SEPTIN9: variants seen among roughly 807,000 people sequenced by gnomAD.
SEPTIN9 encodes the protein septin 9, also known as septin-9.
A neutral mutation model predicts 56.6 loss-of-function variants in SEPTIN9; 13 were observed. The ratio of observed to expected loss-of-function variants is 0.23; its 90% CI spans 0.15 to 0.37. The LOEUF is 0.37. SEPTIN9 is among the 10% of genes least tolerant of loss of function. SEPTIN9 has a pLI of 1.00. For synonymous variants in SEPTIN9, 332 were observed against 334.1 expected, an observed-to-expected ratio of 0.99 and a Z score of 0.07; for missense variants, 650 against 823.1, an observed-to-expected ratio of 0.79 and a Z score of 2.57.
chr17:77,498,653 A>G lies in SEPTIN9; in HGVS notation c.1756A>G (p.Met586Val), dbSNP rs758080294. Residue 586 changes from methionine to valine, a missense_variant, in exon 12 of 12, where the codon ATG becomes GTG. Physicochemically the swap from Met to Val is conservative, Grantham distance 21. This residue lies in a region of SEPTIN9 where 333 missense variants were observed against 494.0 expected (regional missense o/e 0.67). Transcript: ENST00000427177. The stretch of plus-strand genomic sequence containing the variant: ...GGAGAAGGAGCCAGAAGCCCCGGAG[A>G]TGTAGACGCCACCCTGCCCACCCCC... ...MEEKEPEAPE[M>V] 2.5e-6 allele frequency: 4 copies of G among 1,607,812 alleles called. No individual in the cohort carries two copies. Among genetic ancestry groups the G allele is most frequent in the East Asian group, 2.2e-5 (1 of 44,652 alleles).
At chr17:77,377,269 A>G (rs2034965363) in intron 2 of SEPTIN9, 1 of 152,164 alleles carries the variant, frequency 6.6e-6, no homozygotes, top group Admixed American at 6.5e-5. Flanking sequence ...ATAGGGTGAC[A>G]AGAGGGATGA....
At position 77,429,014 on chromosome 17, in the gene SEPTIN9, T is replaced by G; in HGVS notation, c.721+26311T>G. ...GTAAGCCGTCAGAGGAGGCAGCCGG[T>G]GAGAATGGGAGCATCTCAGCAGCCC... On this transcript the variant is annotated intron_variant, in intron 3 of 11. Coordinates refer to ENST00000427177, the MANE Select transcript of SEPTIN9 (RefSeq NM_001113491.2). The surrounding 1 kb of genome is among the most constrained non-coding windows in gnomAD (Gnocchi z 5.2). 2.1e-6 allele frequency: 1 copy of G among 471,352 alleles called. No homozygotes were observed. The highest frequency in any genetic ancestry group is 4.4e-6 in the Non-Finnish European group (1 of 227,078). 29.2% of individuals were successfully genotyped at this position (471,352 alleles called of 1,614,324 possible). A position where few individuals can be genotyped will look rare whatever the true frequency, so the allele number is the denominator to read the frequency against.
At position 77,421,601 on chromosome 17, in the gene SEPTIN9, G is replaced by A. The variant is rs781102932; in HGVS notation, c.721+18898G>A. On this transcript the variant is annotated intron_variant, in intron 3 of 11. Coordinates refer to ENST00000427177, the MANE Select transcript of SEPTIN9 (RefSeq NM_001113491.2). This position sits in a 1 kb window ranked among gnomAD's most constrained non-coding sequence, Gnocchi z 4.6. ...ACATGTCCCAGAATGCACCCTCTGC[G>A]TGTACAGGGATGGCTTTTGGGCCAT... Among the ~76,000 whole-genome samples the A allele has an allele frequency of 6.6e-6, 1 of 152,180 alleles. No homozygotes were observed. The highest frequency in any genetic ancestry group is 2.4e-5 in the African/African-American group (1 of 41,424).
rs2034532273 is a variant in SEPTIN9 at position 77,365,083 on chromosome 17, G to A, written c.77-36976G>A. Among the ~76,000 whole-genome samples, 3 of 152,166 alleles carry A rather than the reference G, an allele frequency of 2.0e-5. No individual in the cohort carries two copies. The South Asian group carries it at 6.2e-4, about 32-fold the overall frequency. ...GGTTCGGTCTCCACTGTGGATGTTG[G>A]TGATCTTAGTCTCCTTCTCAAAACC... On this transcript the variant is annotated intron_variant, in intron 2 of 11. Coordinates refer to ENST00000427177, the MANE Select transcript of SEPTIN9 (RefSeq NM_001113491.2).
intron 3 of SEPTIN9, among the ~76,000 whole-genome samples, chr17:77,404,141 A>G (rs191047922): frequency 2.0e-5 from 3 of 152,226 alleles, no homozygotes. Context: ...AGGCTGAATA[A>G]TATTCTGTTG....
At chr17:77,355,689 G>C (rs538822015) in intron 2 of SEPTIN9, among the ~76,000 whole-genome samples, 8 of 152,140 alleles carry the variant, frequency 5.3e-5, no homozygotes, top group African/African-American at 1.7e-4. Flanking sequence ...AGAGGTCTTA[G>C]AAGTGCTCCC....
intron 10 of SEPTIN9, among the ~76,000 whole-genome samples, chr17:77,493,874 G>C (rs1368055586): frequency 6.7e-6 from 1 of 149,842 alleles, no homozygotes; most frequent in African/African-American, 2.5e-5. Flanking sequence ...CTGGGTTCAA[G>C]TAATTCTCCT....
At chr17:77,321,753 C>T (rs899022910) in intron 2 of SEPTIN9, among the ~76,000 whole-genome samples, 3 of 152,246 alleles carry the variant, frequency 2.0e-5, no homozygotes, top group African/African-American at 7.2e-5. Flanking sequence ...CCGCTGAGCA[C>T]ACCCAGTCGG....
chr17:77,289,665 C>T (rs561045106), intron 1 of SEPTIN9, among the ~76,000 whole-genome samples: 1 of 152,334 alleles, frequency 6.6e-6, no homozygotes, highest in African/African-American at 2.4e-5. Flanking sequence ...GCCTTGGCCT[C>T]CCAAAGTGCT....
chr17:77,302,041 C>A (rs1188783270), intron 1 of SEPTIN9, among the ~76,000 whole-genome samples: 1 of 152,230 alleles, frequency 6.6e-6, no homozygotes, highest in East Asian at 1.9e-4. Flanking sequence ...TTTGAGAAGG[C>A]GGGTGTGGTG....
intron 2 of SEPTIN9, among the ~76,000 whole-genome samples, chr17:77,387,208 G>A (rs537430062): frequency 3.7e-4 from 56 of 152,334 alleles, no homozygotes; most frequent in South Asian, 3.5e-3. Context: ...GGGCCTCTGC[G>A]GGAGGCTCCG....
At position 77,284,919 on chromosome 17, in the gene SEPTIN9, C is replaced by T. The variant is rs138208166; in HGVS notation, c.19+3365C>T. 3.3e-3 allele frequency among the ~76,000 whole-genome samples: 502 copies of T among 152,264 alleles called. 3 individuals carry two copies. Among genetic ancestry groups the T allele is most frequent in the Middle Eastern group, 6.8e-3 (2 of 294 alleles). ...CTGTGATTACAGGCATGAGCCACCA[C>T]GCCCAGCCTGCCTCATTTGTTAAAT... On this transcript the variant is annotated intron_variant, in intron 1 of 11. Transcript: ENST00000427177.
At chr17:77,411,761 C>T (rs1286583894) in intron 3 of SEPTIN9, among the ~76,000 whole-genome samples, 1 of 152,172 alleles carries the variant, frequency 6.6e-6, no homozygotes, top group Admixed American at 6.5e-5. Context: ...AACAGATGTT[C>T]TCGCACTTGT....
At chr17:77,426,275 G>A (rs1259878979) in intron 3 of SEPTIN9, among the ~76,000 whole-genome samples, 7 of 152,002 alleles carry the variant, frequency 4.6e-5, no homozygotes, top group African/African-American at 1.7e-4. Context: ...GGTGGCCAGC[G>A]AGTCCCCTGC....
intron 2 of SEPTIN9, among the ~76,000 whole-genome samples, chr17:77,347,846 G>T (rs189940630): frequency 1.4e-4 from 21 of 152,260 alleles, no homozygotes; most frequent in Non-Finnish European, 1.5e-5. Flanking sequence ...CTTTGTGTTT[G>T]TTGATTTTGC....
At chr17:77,308,341 G>A (rs992737778) in intron 2 of SEPTIN9, among the ~76,000 whole-genome samples, 3 of 152,244 alleles carry the variant, frequency 2.0e-5, no homozygotes. Flanking sequence ...TCAGAACAAG[G>A]TGAGACAGCC....
chr17:77,461,104 A>G (rs996862782), intron 3 of SEPTIN9, among the ~76,000 whole-genome samples: 2 of 152,102 alleles, frequency 1.3e-5, no homozygotes, highest in African/African-American at 4.8e-5. Flanking sequence ...CAGGAGTTCG[A>G]GACCAGCCTG....
At chr17:77,360,345 C>A (rs992255191) in intron 2 of SEPTIN9, among the ~76,000 whole-genome samples, 2 of 152,144 alleles carry the variant, frequency 1.3e-5, no homozygotes, top group African/African-American at 4.8e-5. Context: ...TCTAGACATA[C>A]CCCCCTTCCC....
intron 2 of SEPTIN9, among the ~76,000 whole-genome samples, chr17:77,380,972 C>A (rs1362385174): frequency 6.6e-6 from 1 of 152,232 alleles, no homozygotes; most frequent in Non-Finnish European, 1.5e-5. Context: ...CTCTCTGGAG[C>A]CCTTTGCAGC....
Sources: allele counts gnomAD v4.1 joint callset (sites outside exome capture counted in the v4.1 genomes callset), GRCh38; gene constraint gnomAD v4.1.1; regional missense constraint gnomAD v4.1.1; non-coding constraint Gnocchi (gnomAD v3.1); transcripts MANE v1.5; gene names NCBI Gene and HGNC (gene_info 2026-07-23, HGNC 2026-07-21).